The following CNBD2 variants were observed in gnomAD, a reference collection of about 807,000 sequenced individuals.
CNBD2 encodes cyclic nucleotide-binding domain-containing protein 2.
In CNBD2, 64 loss-of-function variants were observed where a neutral mutation model predicts 63.7. That is an observed-to-expected ratio of 1.00 (90% CI 0.82 to 1.24). CNBD2 has a LOEUF of 1.24. CNBD2 is among the 50% of genes most tolerant of loss of function. The pLI is 0.00. For synonymous variants in CNBD2, 229 were observed against 255.4 expected (o/e 0.90, Z 0.99); for missense variants, 691 against 713.5 (o/e 0.97, Z 0.36).
chr20:36,024,488 G>C (rs1011667142), intron 11 of CNBD2, among the ~76,000 whole-genome samples: 3 of 151,048 alleles, frequency 2.0e-5, no homozygotes, highest in Admixed American at 6.6e-5. Flanking sequence ...AATTAGCCAG[G>C]CATGGTAGTG....
At chr20:36,000,367 TTTTA>T (rs750038631) in intron 8 of CNBD2, among the ~76,000 whole-genome samples, 35 of 152,144 alleles carry the variant, frequency 2.3e-4, no homozygotes, top group Non-Finnish European at 4.1e-4. Flanking sequence ...TCCGTTAACA[TTTTA>T]TTTATTTATT....
At chr20:35,993,397 C>T (rs2056775511) in intron 7 of CNBD2, among the ~76,000 whole-genome samples, 1 of 152,180 alleles carries the variant, frequency 6.6e-6, no homozygotes, top group Admixed American at 6.5e-5. Flanking sequence ...TGGAATCATA[C>T]AGTGTGTATT....
chr20:35,995,437 T>G (rs190376570), intron 8 of CNBD2, among the ~76,000 whole-genome samples: 64 of 152,278 alleles, frequency 4.2e-4, no homozygotes, highest in African/African-American at 1.5e-3. Flanking sequence ...CTCTTCTGCT[T>G]TTTAAAATTT....
intron 6 of CNBD2, among the ~76,000 whole-genome samples, chr20:35,986,536 G>A (rs139786568): frequency 1.5e-3 from 232 of 152,284 alleles, no homozygotes; most frequent in Non-Finnish European, 2.6e-3. Context: ...AGTGCTTGGT[G>A]CGTGGTAGGT....
chr20:35,978,890 T>C (rs574464191), intron 3 of CNBD2, among the ~76,000 whole-genome samples: 5 of 152,260 alleles, frequency 3.3e-5, no homozygotes, highest in African/African-American at 7.2e-5. Flanking sequence ...CAGATCTGGA[T>C]TGGGGTGGTG....
chr20:36,004,397 T>C (rs1032295864), intron 8 of CNBD2, among the ~76,000 whole-genome samples: 3 of 152,146 alleles, frequency 2.0e-5, no homozygotes, highest in African/African-American at 7.2e-5. Flanking sequence ...CCCCTGACTA[T>C]GTCTTCTGTC....
At chr20:36,005,223 T>C (rs1309542316) in intron 8 of CNBD2, among the ~76,000 whole-genome samples, 1 of 152,102 alleles carries the variant, frequency 6.6e-6, no homozygotes, top group Admixed American at 6.5e-5. Context: ...GGAAGACAAT[T>C]TTTTCACAGA....
intron 2 of CNBD2, 59 bp downstream of exon 2, chr20:35,972,825 C>T (rs1278327029): frequency 1.3e-6 from 2 of 1,546,320 alleles, no homozygotes; most frequent in Admixed American, 3.4e-5. Flanking sequence ...AAATTGCATC[C>T]CACTTCCTGG....
At chr20:35,996,472 T>C (rs2056825884) in intron 8 of CNBD2, among the ~76,000 whole-genome samples, 1 of 152,080 alleles carries the variant, frequency 6.6e-6, no homozygotes, top group Admixed American at 6.6e-5. Context: ...TGACTGTTTA[T>C]ACATATTGCA....
chr20:36,012,714 C>T (rs545057007), intron 10 of CNBD2, among the ~76,000 whole-genome samples: 14 of 148,456 alleles, frequency 9.4e-5, no homozygotes, highest in Admixed American at 6.8e-4. Flanking sequence ...CCCAGCTACT[C>T]GGGAGGCTGT....
chr20:36,017,407 C>T (rs2057149719), intron 10 of CNBD2, among the ~76,000 whole-genome samples: 1 of 152,178 alleles, frequency 6.6e-6, no homozygotes, highest in Non-Finnish European at 1.5e-5. Flanking sequence ...ACTGTGCATG[C>T]TCCTTCCCTC....
chr20:36,004,826 G>A (rs1352108571), intron 8 of CNBD2, among the ~76,000 whole-genome samples: 4 of 152,120 alleles, frequency 2.6e-5, no homozygotes, highest in East Asian at 3.9e-4. Flanking sequence ...GCCTCCCAAA[G>A]TGCTGAGATT....
chr20:36,009,648 AT>A (rs1267685472), intron 9 of CNBD2, among the ~76,000 whole-genome samples: 5 of 151,892 alleles, frequency 3.3e-5, no homozygotes, highest in African/African-American at 1.2e-4. Flanking sequence ...CCTGGCCAAC[AT>A]GGTGAAACCC....
rs368812120 is a variant in CNBD2, at chr20:36,002,144, C to T, written c.971-6153C>T. ...GTGAGCCGGACTCCGTCTGCAATCCCGGCACCTCGGGAGGCCAAGGCTGGC... is the reference window on the plus strand; with the variant it reads ...GTGAGCCGGACTCCGTCTGCAATCCTGGCACCTCGGGAGGCCAAGGCTGGC... On this transcript the variant is annotated intron_variant, in intron 8 of 11. Transcript: ENST00000373973. 4.5e-4 allele frequency among the ~76,000 whole-genome samples: 69 copies of T among 152,342 alleles called. No homozygotes were observed. The East Asian group carries it at 0.012, about 26-fold the overall frequency.
chr20:35,999,234 A>G (rs921991223), intron 8 of CNBD2, among the ~76,000 whole-genome samples: 1 of 152,218 alleles, frequency 6.6e-6, no homozygotes, highest in Non-Finnish European at 1.5e-5. Flanking sequence ...AAGGCAGCAT[A>G]TAATTGGATC....
downstream of CNBD2, among the ~76,000 whole-genome samples, chr20:35,955,909 T>C (rs1466732716): frequency 2.6e-5 from 4 of 152,180 alleles, no homozygotes; most frequent in Admixed American, 1.3e-4. Flanking sequence ...TTGGTACAGA[T>C]GGAGTTTCAC....
At chr20:35,960,479 A>G (rs1222538390) in intron 2 of CNBD2, among the ~76,000 whole-genome samples, 1 of 152,220 alleles carries the variant, frequency 6.6e-6, no homozygotes, top group Non-Finnish European at 1.5e-5. Flanking sequence ...AGCTGGGACC[A>G]CAGGCGCGTA....
Position 36,023,199 on chromosome 20 carries a change from C to G in CNBD2, c.1270-403C>G, listed in dbSNP as rs114094451. 3.4e-3 allele frequency among the ~76,000 whole-genome samples: 513 copies of G among 152,260 alleles called. 3 individuals are homozygous for G. Among genetic ancestry groups the G allele is most frequent in the African/African-American group, 0.012 (480 of 41,566 alleles). ...TCAGTGATCCCAGATAAATTCACCT[C>G]CTGTTTGAGGCCTTCTTTTTCCCAT... On this transcript the variant is annotated intron_variant, in intron 10 of 11. Coordinates refer to ENST00000373973, the MANE Select transcript of CNBD2 (RefSeq NM_001365709.1).
rs113130498 is a variant in CNBD2, at chr20:36,005,808, G to A, written c.971-2489G>A. On this transcript the variant is annotated intron_variant, in intron 8 of 11. Transcript: ENST00000373973. ...TAATAAAAATACAGAAAAATTAGCC[G>A]GGCATGGTGGCGGGCGCCTGTAGTC... Among the ~76,000 whole-genome samples, 926 of 151,610 alleles carry A rather than the reference G, an allele frequency of 6.1e-3. 10 individuals carry two copies. Among genetic ancestry groups the A allele is most frequent in the African/African-American group, 0.021 (867 of 41,384 alleles).
Sources: allele counts gnomAD v4.1 joint callset (sites outside exome capture counted in the v4.1 genomes callset), GRCh38; gene constraint gnomAD v4.1.1; transcripts MANE v1.5; gene names NCBI Gene and HGNC (gene_info 2026-07-23, HGNC 2026-07-21).